The following LIPC variants were observed in gnomAD, a reference collection of about 807,000 sequenced individuals.
LIPC encodes hepatic triacylglycerol lipase.
A neutral mutation model predicts 50.7 loss-of-function variants in LIPC; 44 were observed. That is an observed-to-expected ratio of 0.87 (90% confidence interval 0.68 to 1.11). The LOEUF is 1.11. LIPC is among the 50% of genes most tolerant of loss of function. LIPC has a pLI of 0.00. For missense variants in LIPC, 697 were observed against 648.2 expected, an observed-to-expected ratio of 1.08 and a Z score of -0.82; for synonymous variants, 271 against 256.4, an observed-to-expected ratio of 1.06 and a Z score of -0.54.
chr15:58,470,597 C>CTTT (rs5812936), intron 1 of LIPC, among the ~76,000 whole-genome samples: 1 of 136,304 alleles, frequency 7.3e-6, no homozygotes. Context: ...CATTTAACTC[C>CTTT]TTTTTTTTTT....
In LIPC at chr15:58,446,545, C is replaced by A. The variant is rs184560470; in HGVS notation, c.88+14425C>A. On this transcript the variant is annotated intron_variant, in intron 1 of 8. Transcript: ENST00000299022. The stretch of plus-strand genomic sequence containing the variant: ...CCTGTTTGCTGAGCTTCTGCCATGT[C>A]TCCCCAGTGTCTGAGGTTGTGAGCA... Among the ~76,000 whole-genome samples the A allele has an allele frequency of 6.4e-4, 97 of 152,328 alleles. No homozygotes were observed. The East Asian group carries it at 0.018, about 29-fold the overall frequency.
intron 1 of LIPC, among the ~76,000 whole-genome samples, chr15:58,508,782 T>G (rs1892243080): frequency 6.6e-6 from 1 of 152,150 alleles, no homozygotes; most frequent in Non-Finnish European, 1.5e-5. Context: ...TCCAGCACTG[T>G]GCAGGAAGAA....
chr15:58,540,128 T>C (rs1893272102), intron 2 of LIPC, among the ~76,000 whole-genome samples: 1 of 152,244 alleles, frequency 6.6e-6, no homozygotes, highest in South Asian at 2.1e-4. Flanking sequence ...TGCTCCAAAA[T>C]GTTTGTTAAC....
At chr15:58,566,237 T>C (rs1418569634) in intron 8 of LIPC, 45 of 985,254 alleles carry the variant, frequency 4.6e-5, no homozygotes, top group Non-Finnish European at 5.4e-5. Context: ...ACCCGTACAC[T>C]TGGGGCTGTG....
intron 1 of LIPC, among the ~76,000 whole-genome samples, chr15:58,516,600 G>A (rs1226581076): frequency 1.3e-5 from 2 of 152,110 alleles, no homozygotes; most frequent in African/African-American, 4.8e-5. Flanking sequence ...TCTGCAATGT[G>A]TAATCTGTTA....
At chr15:58,524,979 G>C (rs930388039) in intron 1 of LIPC, among the ~76,000 whole-genome samples, 1 of 152,038 alleles carries the variant, frequency 6.6e-6, no homozygotes, top group Non-Finnish European at 1.5e-5. Flanking sequence ...TTGAATCACA[G>C]AGGGAGATTC....
intron 1 of LIPC, among the ~76,000 whole-genome samples, chr15:58,432,750 C>T (rs1474820562): frequency 1.3e-5 from 2 of 152,150 alleles, no homozygotes; most frequent in African/African-American, 2.4e-5. Flanking sequence ...TAGAGTGGAG[C>T]CCAGCTTCCA....
At chr15:58,479,171 A>G (rs1200177213) in intron 1 of LIPC, among the ~76,000 whole-genome samples, 2 of 152,250 alleles carry the variant, frequency 1.3e-5, no homozygotes, top group Non-Finnish European at 2.9e-5. Context: ...TCCAACTGTC[A>G]TAACTACTAA....
intron 1 of LIPC, among the ~76,000 whole-genome samples, chr15:58,437,236 C>CTG (rs140020264): frequency 6.6e-6 from 1 of 152,174 alleles, no homozygotes; most frequent in African/African-American, 2.4e-5. Flanking sequence ...GTGCCCAAGG[C>CTG]TGTGTGTGTG....
At chr15:58,447,081 G>A (rs1408279385) in intron 1 of LIPC, among the ~76,000 whole-genome samples, 2 of 148,946 alleles carry the variant, frequency 1.3e-5, no homozygotes, top group East Asian at 4.0e-4. Flanking sequence ...CTAGGAGGGT[G>A]GAGGTTGCAG....
At chr15:58,556,737 G>C (rs1034893058) in intron 6 of LIPC, among the ~76,000 whole-genome samples, 48 of 152,264 alleles carry the variant, frequency 3.2e-4, no homozygotes, top group African/African-American at 9.9e-4. Context: ...TTGGGACAAT[G>C]AACTGAGAAT....
chr15:58,444,762 G>A (rs1893631374), intron 1 of LIPC, among the ~76,000 whole-genome samples: 1 of 152,200 alleles, frequency 6.6e-6, no homozygotes, highest in African/African-American at 2.4e-5. Context: ...CTGAGGTACT[G>A]AGGGTTAGAA....
Position 58,496,743 on chromosome 15 carries a change from C to CAAAAAAAAAAAAAAAAAA in LIPC, c.89-41573_89-41572insAAAAAAAAAAAAAAAAAA, listed in dbSNP as rs10716717. On this transcript the variant is annotated intron_variant, in intron 1 of 8. Coordinates refer to ENST00000299022, the MANE Select transcript of LIPC (RefSeq NM_000236.3). Reference sequence around the variant, plus strand: ...GCCCTGCTACAGAAGTCTTCCCCCTCAAAAAAAAAAAAAAAAATTAAGATG... The same window carrying CAAAAAAAAAAAAAAAAAA: ...GCCCTGCTACAGAAGTCTTCCCCCTCAAAAAAAAAAAAAAAAAAAAAAAAAAAAAAAAAAATTAAGATG... Among the ~76,000 whole-genome samples the CAAAAAAAAAAAAAAAAAA allele has an allele frequency of 7.8e-3, 883 of 113,890 alleles. 58 individuals are homozygous for CAAAAAAAAAAAAAAAAAA. The highest frequency in any genetic ancestry group is 0.04 in the Admixed American group (376 of 9,506). The allele number at this position is 113,890 out of a possible 152,430, so 74.7% of individuals were successfully genotyped here. A position where few individuals can be genotyped will look rare whatever the true frequency, so the allele number is the denominator to read the frequency against.
chr15:58,524,238 A>C (rs1892737982), intron 1 of LIPC, among the ~76,000 whole-genome samples: 1 of 152,250 alleles, frequency 6.6e-6, no homozygotes, highest in Non-Finnish European at 1.5e-5. Flanking sequence ...GCAACTCAGC[A>C]GTACATTCTA....
At chr15:58,451,797 G>A (rs984431542) in intron 1 of LIPC, among the ~76,000 whole-genome samples, 3 of 152,192 alleles carry the variant, frequency 2.0e-5, no homozygotes, top group Admixed American at 2.0e-4. Context: ...ACAGAGGCGA[G>A]CAGGAGGATG....
chr15:58,438,213 A>T (rs990267121), intron 1 of LIPC, among the ~76,000 whole-genome samples: 5 of 152,030 alleles, frequency 3.3e-5, no homozygotes, highest in African/African-American at 1.2e-4. Context: ...CTGGGTCATC[A>T]CAGTTGGCAC....
At chr15:58,506,305 G>A (rs928238099) in intron 1 of LIPC, among the ~76,000 whole-genome samples, 1 of 152,122 alleles carries the variant, frequency 6.6e-6, no homozygotes, top group African/African-American at 2.4e-5. Context: ...AGCTATGCAG[G>A]AGAACAGAAA....
chr15:58,486,145 T>C (rs1348190594), intron 1 of LIPC, among the ~76,000 whole-genome samples: 1 of 152,184 alleles, frequency 6.6e-6, no homozygotes, highest in Non-Finnish European at 1.5e-5. Flanking sequence ...GACGGCTCTA[T>C]TCTAACAGTG....
chr15:58,495,612 A>T (rs1238001899), intron 1 of LIPC, among the ~76,000 whole-genome samples: 2 of 152,176 alleles, frequency 1.3e-5, no homozygotes, highest in Non-Finnish European at 2.9e-5. Context: ...TCTTCATTTT[A>T]TAGATGAGGA....
Sources: allele counts gnomAD v4.1 joint callset (sites outside exome capture counted in the v4.1 genomes callset), GRCh38; gene constraint gnomAD v4.1.1; transcripts MANE v1.5; gene names NCBI Gene and HGNC (gene_info 2026-07-23, HGNC 2026-07-21).